Variants in SLC35D2 observed in about 807,000 individuals in gnomAD.
The protein encoded by SLC35D2 is solute carrier family 35 member D2.
A neutral mutation model predicts 41.8 loss-of-function variants in SLC35D2; 43 were observed. The observed-to-expected ratio is 1.03, with a 90% CI of 0.81 to 1.33. The LOEUF is 1.33. Ranked by LOEUF, SLC35D2 falls within the 40% of genes most tolerant of loss-of-function variation. The pLI is 0.00. For missense variants in SLC35D2, 380 were observed against 408.4 expected (o/e 0.93, Z 0.60); for synonymous variants, 150 against 163.9 (o/e 0.92, Z 0.65).
At chr9:96,318,604 T>C (rs1435471158), downstream of SLC35D2, among the ~76,000 whole-genome samples, 1 of 152,042 alleles carries the variant, frequency 6.6e-6, no homozygotes, top group Admixed American at 6.6e-5. Flanking sequence ...GATAAATAAA[T>C]GGCCAACAAG....
chr9:96,355,745 C>CAT, intron 4 of SLC35D2, among the ~76,000 whole-genome samples: 1 of 152,074 alleles, frequency 6.6e-6, no homozygotes, highest in Non-Finnish European at 1.5e-5. Context: ...GATCCACCTG[C>CAT]CTTGGCCTCC....
intron 1 of SLC35D2, among the ~76,000 whole-genome samples, chr9:96,370,477 T>A (rs566032560): frequency 3.3e-5 from 5 of 152,084 alleles, no homozygotes; most frequent in African/African-American, 1.2e-4. Flanking sequence ...GCCAACATGG[T>A]GAAACTCCGT....
At chr9:96,332,024 T>C (rs925121448) in intron 9 of SLC35D2, among the ~76,000 whole-genome samples, 3 of 152,230 alleles carry the variant, frequency 2.0e-5, no homozygotes, top group African/African-American at 7.2e-5. Context: ...TGGGGACTGC[T>C]GGTTTACAGT....
chr9:96,383,549 AGCAGCCGGGCCACCCGCGAGG>A lies in SLC35D2; in HGVS notation c.65_85del (p.Pro22_Leu28del). On this transcript the variant is annotated inframe_deletion, in exon 1 of 12. Transcript: ENST00000253270. ...GCAGGTCCCGTAGAAGAGCGCCGAC[AGCAGCCGGGCCACCCGCGAGG>A]GCAGCCGCGCCGCGCCGGGCTCCCC... 1 of 1,506,166 alleles carries A rather than the reference AGCAGCCGGGCCACCCGCGAGG, an allele frequency of 6.6e-7. No individual in the cohort carries two copies. 93.3% of individuals were successfully genotyped at this position (1,506,166 alleles called of 1,614,324 possible).
downstream of SLC35D2, among the ~76,000 whole-genome samples, chr9:96,317,860 C>A (rs6479242): frequency 1.8e-4 from 26 of 143,110 alleles, no homozygotes; most frequent in East Asian, 2.1e-4. Flanking sequence ...CAGTCGCTAC[C>A]AAAAATACAA....
chr9:96,322,644 G>A (rs541888481), intron 10 of SLC35D2, among the ~76,000 whole-genome samples: 2 of 152,078 alleles, frequency 1.3e-5, no homozygotes, highest in African/African-American at 4.8e-5. Context: ...AGGCAAAAGA[G>A]GAAGAGTGGG....
At chr9:96,327,224 C>A (rs961226073) in intron 9 of SLC35D2, among the ~76,000 whole-genome samples, 2 of 152,240 alleles carry the variant, frequency 1.3e-5, no homozygotes, top group African/African-American at 4.8e-5. Flanking sequence ...TTTTCTCCAT[C>A]CTCCATTTTT....
chr9:96,329,143 A>G (rs74195785), intron 9 of SLC35D2, among the ~76,000 whole-genome samples: 20,054 of 151,666 alleles, frequency 0.13, 1,777 homozygotes, highest in East Asian at 0.28. Flanking sequence ...AAATTCTACA[A>G]GATTGAATAA....
At chr9:96,351,004 C>T in intron 6 of SLC35D2, 99 bp downstream of exon 6, 1 of 911,330 alleles carries the variant, frequency 1.1e-6, no homozygotes, top group Non-Finnish European at 1.8e-6. Flanking sequence ...CTGCTCAATT[C>T]AACAGCAGCC....
At position 96,340,841 on chromosome 9, in the gene SLC35D2, G is replaced by A. The variant is rs902231740; in HGVS notation, c.684+3063C>T. Among the ~76,000 whole-genome samples the A allele has an allele frequency of 6.6e-5, 10 of 151,980 alleles. No homozygotes were observed. The South Asian group carries it at 1.0e-3, about 16-fold the overall frequency. On this transcript the variant is annotated intron_variant, in intron 8 of 11. Coordinates refer to ENST00000253270, the MANE Select transcript of SLC35D2 (RefSeq NM_007001.3). ...TGATTAGCAGTCACTCTGGCGGCTC[G>A]AAGGTACTTACAGACTTTCTAAAGG...
At chr9:96,315,372 T>C (rs1828025944) in intron 11 of SLC35D2, among the ~76,000 whole-genome samples, 2 of 152,010 alleles carry the variant, frequency 1.3e-5, no homozygotes, top group African/African-American at 2.4e-5. Context: ...TCCATCCGCC[T>C]GCTTTGGCCT....
chr9:96,369,066 A>T (rs1321012383), intron 1 of SLC35D2, among the ~76,000 whole-genome samples: 1 of 151,940 alleles, frequency 6.6e-6, no homozygotes, highest in Non-Finnish European at 1.5e-5. Flanking sequence ...TGCCCAGCTA[A>T]ACCTGATATA....
At chr9:96,348,950 G>T (rs1467765502) in intron 6 of SLC35D2, among the ~76,000 whole-genome samples, 1 of 152,088 alleles carries the variant, frequency 6.6e-6, no homozygotes, top group East Asian at 1.9e-4. Flanking sequence ...TCTTTAACTG[G>T]CTGTAAGTCA....
At chr9:96,336,317 G>A (rs1829050031) in intron 9 of SLC35D2, among the ~76,000 whole-genome samples, 1 of 152,138 alleles carries the variant, frequency 6.6e-6, no homozygotes, top group African/African-American at 2.4e-5. Flanking sequence ...AAGGTAGGAA[G>A]ATTGCTTGAG....
chr9:96,383,243 C>A (rs1356365676), intron 1 of SLC35D2, among the ~76,000 whole-genome samples: 1 of 152,178 alleles, frequency 6.6e-6, no homozygotes, highest in Non-Finnish European at 1.5e-5. Flanking sequence ...TAGGACAGGG[C>A]GCCTCGCAGC....
At chr9:96,351,016 G>T in intron 6 of SLC35D2, 87 bp downstream of exon 6, 1 of 996,802 alleles carries the variant, frequency 1.0e-6, no homozygotes, top group South Asian at 1.3e-5. Context: ...ACAGCAGCCA[G>T]ATGGAAAATG....
At chr9:96,333,451 T>C (rs889611945) in intron 9 of SLC35D2, among the ~76,000 whole-genome samples, 3 of 151,132 alleles carry the variant, frequency 2.0e-5, no homozygotes, top group Admixed American at 6.6e-5. Flanking sequence ...ACAAAAAAAT[T>C]AGCCGTGGTG....
At chr9:96,339,451 A>G (rs748228295) in intron 8 of SLC35D2, among the ~76,000 whole-genome samples, 1 of 152,212 alleles carries the variant, frequency 6.6e-6, no homozygotes, top group Non-Finnish European at 1.5e-5. Flanking sequence ...TTCCTTAATA[A>G]TGATGAGACG....
Position 96,321,294 on chromosome 9 carries a change from A to C in SLC35D2, c.962T>G (p.Leu321Ter). Residue 321 changes from leucine to a stop codon, truncating the protein, a stop_gained, in exon 12 of 12, where the codon TTA (leucine) becomes TGA (stop). Transcript: ENST00000253270. LOFTEE classifies it low-confidence loss of function (END_TRUNC). ...TTCTTCACCCACAGGTTTAGGTTTT[A>C]ACTGGCTGCTCAGTGTTAAAAAGGA... ...RYSFLTLSSQ[L>*]KPKPVGEENI... 1 of 1,614,164 alleles carries C rather than the reference A, an allele frequency of 6.2e-7. No homozygotes were observed. Among genetic ancestry groups the C allele is most frequent in the Non-Finnish European group, 8.5e-7 (1 of 1,180,000 alleles).
Sources: allele counts gnomAD v4.1 joint callset (sites outside exome capture counted in the v4.1 genomes callset), GRCh38; gene constraint gnomAD v4.1.1; transcripts MANE v1.5; gene names NCBI Gene and HGNC (gene_info 2026-07-23, HGNC 2026-07-21).